Variants in LAMB3 observed in about 807,000 individuals in gnomAD.
The protein encoded by LAMB3 is laminin subunit beta-3.
LAMB3 carries 104 observed loss-of-function variants against 140.3 expected under a neutral mutation model. The ratio of observed to expected loss-of-function variants is 0.74; its 90% CI spans 0.63 to 0.87. The LOEUF (loss-of-function observed/expected upper bound fraction) is 0.87. Among genes scored for constraint, LAMB3 ranks in the 40% least tolerant of loss-of-function variants. The probability of loss-of-function intolerance (pLI) is 0.00; values close to 1 mark genes in which losing one functional copy is unlikely to be tolerated. For missense variants in LAMB3, 1,531 were observed against 1,575.2 expected, an observed-to-expected ratio of 0.97 and a Z score of 0.47; for synonymous variants, 592 against 602.9, an observed-to-expected ratio of 0.98 and a Z score of 0.26.
Position 209,617,582 on chromosome 1 carries a change from T to C in LAMB3, c.3056A>G (p.Gln1019Arg). 6.2e-7 allele frequency: 1 copy of C among 1,613,846 alleles called. No individual in the cohort carries two copies. Among genetic ancestry groups the C allele is most frequent in the South Asian group, 1.1e-5 (1 of 91,078 alleles). ...CTTTTCTGCTGGCCGCAGTACCTGC[T>C]GAACCTTTGTGGAAAGAGGGAGATC... is the stretch of plus-strand genomic sequence containing the variant. ...RLIQDRVAEV[Q>R]QVLRPAEKLV... The change falls in exon 21 of 23, where the codon CAG (glutamine) becomes CGG (arginine). Residue 1019 changes from glutamine to arginine, a missense_variant. By Grantham distance (43) the Gln-to-Arg change is conservative (BLOSUM62 1). Transcript: ENST00000356082.
intron 4 of LAMB3, 121 bp from the exon 5 acceptor site, chr1:209,638,102 C>T: frequency 2.5e-6 from 2 of 812,312 alleles, no homozygotes; most frequent in Non-Finnish European, 4.1e-6. Flanking sequence ...ATTTTCCAAA[C>T]TCCCTCTTGG....
intron 5 of LAMB3, among the ~76,000 whole-genome samples, chr1:209,637,570 T>C (rs1182819842): frequency 6.6e-6 from 1 of 151,938 alleles, no homozygotes; most frequent in Non-Finnish European, 1.5e-5. Context: ...CAATCTAATA[T>C]GCAAAGTTAT....
At chr1:209,622,040 G>A (rs1439082981) in intron 18 of LAMB3, among the ~76,000 whole-genome samples, 1 of 152,218 alleles carries the variant, frequency 6.6e-6, no homozygotes, top group Non-Finnish European at 1.5e-5. Context: ...AGATGACCCA[G>A]AGGACAAGAA....
Position 209,617,505 on chromosome 1 carries a change from C to T in LAMB3, c.3133G>A (p.Glu1045Lys). Residue 1045 changes from glutamate to lysine, a missense_variant, in exon 21 of 23, where the codon GAG becomes AAG. By Grantham distance (56) the Glu-to-Lys change is moderately conservative. Coordinates refer to ENST00000356082, the MANE Select transcript of LAMB3 (RefSeq NM_000228.3). ...TGCTGCCGGGCTTGGTGGCGGAGCT[C>T]CTCCATCCGTGTCCAGAAGTCACCC... is the stretch of plus-strand genomic sequence containing the variant. Reference protein sequence around the residue: ...QLGDFWTRMEELRHQARQQGA... With the variant: ...QLGDFWTRMEKLRHQARQQGA... 5.6e-6 allele frequency: 9 copies of T among 1,614,100 alleles called. No individual in the cohort carries two copies. Among genetic ancestry groups the T allele is most frequent in the Non-Finnish European group, 7.6e-6 (9 of 1,180,046 alleles).
At chr1:209,624,196 A>G (rs1346404421) in intron 14 of LAMB3, among the ~76,000 whole-genome samples, 196 bp from the exon 15 acceptor site, 1 of 152,178 alleles carries the variant, frequency 6.6e-6, no homozygotes, top group Admixed American at 6.5e-5. Context: ...TTCTCTGTCC[A>G]GGTGCAGATG....
intron 10 of LAMB3, among the ~76,000 whole-genome samples, chr1:209,628,601 C>G (rs1246479146): frequency 1.3e-5 from 2 of 151,254 alleles, no homozygotes; most frequent in African/African-American, 4.9e-5. Flanking sequence ...GAGGCTGAGG[C>G]AGAAGAATCA....
chr1:209,629,985 T>C, intron 9 of LAMB3, 60 bp from the exon 10 acceptor site: 1 of 1,536,304 alleles, frequency 6.5e-7, no homozygotes, highest in African/African-American at 1.4e-5. Flanking sequence ...CTACAGAGCA[T>C]GCTCCACAAA....
At chr1:209,650,791 G>A in intron 2 of LAMB3, 126 bp downstream of exon 2, 1 of 906,276 alleles carries the variant, frequency 1.1e-6, no homozygotes, top group South Asian at 1.3e-5. Flanking sequence ...CAGTAGACAA[G>A]TATTCCCAAC....
At chr1:209,621,297 C>T (rs742256) in intron 18 of LAMB3, among the ~76,000 whole-genome samples, 50,631 of 152,052 alleles carry the variant, frequency 0.33, 8,526 homozygotes, top group African/African-American at 0.36. Flanking sequence ...CCATCATCCA[C>T]GTTTGTGGGG....
intron 6 of LAMB3, 42 bp downstream of exon 6, chr1:209,634,405 G>C: frequency 1.3e-6 from 2 of 1,587,654 alleles, no homozygotes; most frequent in Middle Eastern, 1.7e-4. Flanking sequence ...GGACATCAGG[G>C]ATTTCTCCCC....
intron 5 of LAMB3, among the ~76,000 whole-genome samples, chr1:209,635,043 T>G (rs1361380365): frequency 6.6e-6 from 1 of 151,970 alleles, no homozygotes; most frequent in Admixed American, 6.6e-5. Flanking sequence ...CAGAGAGCTC[T>G]TCCTGGGTGA....
In LAMB3 at chr1:209,614,916, G is replaced by T; in HGVS notation, c.*355C>A. The T allele has an allele frequency of 9.4e-6, 2 of 213,580 alleles. No individual in the cohort carries two copies. Among genetic ancestry groups the T allele is most frequent in the East Asian group, 1.2e-4 (1 of 8,592 alleles). The allele number at this position is 213,580 out of a possible 1,614,324, so 13.2% of individuals were successfully genotyped here. A position where few individuals can be genotyped will look rare whatever the true frequency, so the allele number is the denominator to read the frequency against. On this transcript the variant is annotated 3_prime_UTR_variant, in exon 23 of 23. Transcript: ENST00000356082. ...GGCTCTTTTCCAAAGATTTTTATTTGGCTTTTCATTTTTACATCACTTTTG... is the reference window on the plus strand; with the variant it reads ...GGCTCTTTTCCAAAGATTTTTATTTTGCTTTTCATTTTTACATCACTTTTG...
intron 6 of LAMB3, 49 bp from the exon 7 acceptor site, chr1:209,633,182 G>A (rs1260583491): frequency 1.2e-5 from 16 of 1,368,614 alleles, no homozygotes; most frequent in Non-Finnish European, 1.7e-5. Flanking sequence ...CAAATAGTGT[G>A]CCCCGAGTTC....
At chr1:209,618,862 C>T (rs1405733115) in intron 18 of LAMB3, 7 of 628,844 alleles carry the variant, frequency 1.1e-5, no homozygotes, top group Non-Finnish European at 2.0e-5. Flanking sequence ...GGATGACTAT[C>T]CTGTGCTCCA....
rs1383382434 is a variant in LAMB3 at position 209,649,982 on chromosome 1, G to A, written c.165C>T (p.Tyr55=). 4 of 1,614,110 alleles carry A rather than the reference G, an allele frequency of 2.5e-6. No individual in the cohort carries two copies. Among genetic ancestry groups the A allele is most frequent in the Non-Finnish European group, 3.4e-6 (4 of 1,180,052 alleles). The change falls in exon 3 of 23, where the codon TAC becomes TAT. Residue 55 remains tyrosine (Y), a synonymous_variant. Coordinates refer to ENST00000356082, the MANE Select transcript of LAMB3 (RefSeq NM_000228.3). ...STCGLTKPET[Y]CTQYGEWQMK... ...GGCCTACCTCGCCATACTGGGTGCA[G>A]TAGGTCTCAGGCTTGGTCAGTCCAC...
chr1:209,643,316 C>T (rs2076487578), intron 3 of LAMB3, among the ~76,000 whole-genome samples: 1 of 151,638 alleles, frequency 6.6e-6, no homozygotes, highest in African/African-American at 2.4e-5. Context: ...ATGCCCCCAT[C>T]TCTCCCAGTG....
chr1:209,636,961 A>G (rs192922296), intron 5 of LAMB3, among the ~76,000 whole-genome samples: 472 of 152,340 alleles, frequency 3.1e-3, no homozygotes, highest in Non-Finnish European at 5.2e-3. Context: ...TATCCCTAAC[A>G]TCTGACACCA....
chr1:209,650,082 G>C lies in LAMB3; in HGVS notation c.65C>G (p.Ser22Cys). ...AACAGGTGGATAGCAGGCCCCACGGGAGCAGGCTTGTTGGGCATGCAGGAG... is the reference window on the plus strand; with the variant it reads ...AACAGGTGGATAGCAGGCCCCACGGCAGCAGGCTTGTTGGGCATGCAGGAG... ...PGLLHAQQAC[S>C]RGACYPPVGD... is the part of the protein sequence containing the mutation. The change falls in exon 3 of 23, where the codon TCC becomes TGC. Residue 22 changes from serine to cysteine, a missense_variant. Coordinates refer to ENST00000356082, the MANE Select transcript of LAMB3 (RefSeq NM_000228.3). 3 of 1,614,070 alleles carry C rather than the reference G, an allele frequency of 1.9e-6. No homozygotes were observed. Among genetic ancestry groups the C allele is most frequent in the South Asian group, 1.1e-5 (1 of 91,060 alleles).
At chr1:209,649,696 A>G (rs1015206110) in intron 3 of LAMB3, among the ~76,000 whole-genome samples, 1 of 152,250 alleles carries the variant, frequency 6.6e-6, no homozygotes, top group African/African-American at 2.4e-5. Context: ...CCCATGCCCA[A>G]GGACTGAGAA....
Sources: gnomAD v4.1 joint callset for allele counts (sites outside exome capture counted in the v4.1 genomes callset) on GRCh38, gnomAD v4.1.1 for gene constraint, MANE v1.5 for transcripts, NCBI Gene and HGNC (gene_info 2026-07-23, HGNC 2026-07-21) for gene names.